Variants in PCDHA2 observed in about 807,000 individuals in gnomAD.
PCDHA2 encodes the protein protocadherin alpha-2.
A neutral mutation model predicts 66.0 loss-of-function variants in PCDHA2; 58 were observed. The observed-to-expected ratio is 0.88, with a 90% CI of 0.71 to 1.09. The LOEUF is 1.09. PCDHA2 is among the 50% of genes least tolerant of loss of function. The pLI is 0.00. For missense variants in PCDHA2, 1,267 were observed against 1,242.3 expected, an observed-to-expected ratio of 1.02 and a Z score of -0.30; for synonymous variants, 634 against 554.0, an observed-to-expected ratio of 1.14 and a Z score of -2.03.
At chr5:140,829,696 G>A (rs2150172625) in intron 1 of PCDHA2, 2 of 1,613,274 alleles carry the variant, frequency 1.2e-6, no homozygotes, top group Non-Finnish European at 1.7e-6. Context: ...AGTTTCAGGT[G>A]AGCGCGCGCG....
intron 1 of PCDHA2, chr5:140,859,996 T>A (rs181986889): frequency 4.7e-4 from 71 of 152,116 alleles, no homozygotes; most frequent in Non-Finnish European, 8.7e-4. Context: ...TCTCCATCAA[T>A]ACTAACTTAA....
intron 1 of PCDHA2, chr5:140,966,548 A>G (rs2096020413): frequency 2.1e-6 from 1 of 465,426 alleles, no homozygotes; most frequent in Admixed American, 4.3e-5. Flanking sequence ...CTCGGAGGCG[A>G]GCGGAGGAGC....
chr5:140,993,996 G>T (rs1163632974), intron 3 of PCDHA2, among the ~76,000 whole-genome samples: 1 of 152,148 alleles, frequency 6.6e-6, no homozygotes, highest in Non-Finnish European at 1.5e-5. Flanking sequence ...CTTAGGTCAG[G>T]CCAGGCTCTG....
rs1581182642 is a variant in PCDHA2 at position 140,849,406 on chromosome 5, T to A, written c.2388+52054T>A. ...GACCCCTTAAGTGGGGCAATCACAG[T>A]GATAGGACATATGGATTTTGAAGAA... On this transcript the variant is annotated intron_variant, in intron 1 of 3. Transcript: ENST00000526136. 1.3e-5 allele frequency: 20 copies of A among 1,558,610 alleles called. 3 individuals carry two copies. The highest frequency in any genetic ancestry group is 7.2e-5 in the African/African-American group (5 of 69,302).
intron 1 of PCDHA2, chr5:140,802,551 G>C: frequency 6.2e-7 from 1 of 1,614,220 alleles, no homozygotes; most frequent in South Asian, 1.1e-5. Context: ...GAACGACAAT[G>C]CGCCGGCATT....
At chr5:140,856,940 A>G (rs2044280502) in intron 1 of PCDHA2, 1 of 1,593,596 alleles carries the variant, frequency 6.3e-7, no homozygotes, top group African/African-American at 1.3e-5. Context: ...AAACGAAAGG[A>G]CGGGAGAAAT....
intron 1 of PCDHA2, among the ~76,000 whole-genome samples, chr5:140,910,102 A>G (rs1206018595): frequency 2.6e-5 from 4 of 152,184 alleles, no homozygotes; most frequent in African/African-American, 9.7e-5. Context: ...CCTCCCCTTC[A>G]TTTAAGGGAT....
intron 3 of PCDHA2, among the ~76,000 whole-genome samples, chr5:140,990,735 C>T (rs1554251705): frequency 6.6e-6 from 1 of 152,112 alleles, no homozygotes; most frequent in African/African-American, 2.4e-5. Flanking sequence ...ATATCAACAG[C>T]CCTAGGGTGG....
intron 1 of PCDHA2, among the ~76,000 whole-genome samples, chr5:140,918,552 A>G (rs1554198667): frequency 6.6e-6 from 1 of 152,206 alleles, no homozygotes; most frequent in Admixed American, 6.5e-5. Context: ...TGTGCAATTG[A>G]GAAGAATGTA....
At chr5:140,851,197 G>A (rs1581255686) in intron 1 of PCDHA2, 1 of 1,202,520 alleles carries the variant, frequency 8.3e-7, no homozygotes. Flanking sequence ...TTAGTTGTTA[G>A]TCATTCATTA....
At chr5:140,985,783 A>G (rs1587112463) in intron 3 of PCDHA2, among the ~76,000 whole-genome samples, 1 of 125,324 alleles carries the variant, frequency 8.0e-6, no homozygotes, top group Non-Finnish European at 1.6e-5. Context: ...TCTGTCGCCC[A>G]GGCTGGAGTG....
chr5:140,861,332 G>A (rs2046864240), intron 1 of PCDHA2: 1 of 247,774 alleles, frequency 4.0e-6, no homozygotes, highest in African/African-American at 2.3e-5. Context: ...CACCATCCTG[G>A]AAGAGGCCAA....
chr5:140,878,033 A>G, intron 1 of PCDHA2: 2 of 574,166 alleles, frequency 3.5e-6, no homozygotes, highest in Non-Finnish European at 5.4e-6. Context: ...TGTAGGTACA[A>G]TGGAGGCCAT....
intron 1 of PCDHA2, chr5:140,824,068 A>C (rs781864798): frequency 1.2e-6 from 2 of 1,614,142 alleles, no homozygotes. Flanking sequence ...AGCTCCACCC[A>C]AAACAGACCT....
chr5:140,802,261 TA>T (rs1762876616), intron 1 of PCDHA2: 4 of 1,614,264 alleles, frequency 2.5e-6, no homozygotes, highest in Non-Finnish European at 3.4e-6. Context: ...ATTCAATCAC[TA>T]TCTTTACCTG....
intron 1 of PCDHA2, among the ~76,000 whole-genome samples, chr5:140,952,338 CA>C (rs55931446): frequency 8.7e-4 from 117 of 135,030 alleles, no homozygotes; most frequent in South Asian, 1.2e-3. Flanking sequence ...AACTCCATCT[CA>C]AAAAAAAAAA....
At chr5:140,911,866 T>A (rs139180139) in intron 1 of PCDHA2, among the ~76,000 whole-genome samples, 31 of 152,320 alleles carry the variant, frequency 2.0e-4, no homozygotes, top group Non-Finnish European at 4.3e-4. Context: ...TCTGTTCTTC[T>A]GGAACCACTC....
At position 140,797,358 on chromosome 5, in the gene PCDHA2, TC is replaced by T; in HGVS notation, c.2388+7del. 2 of 1,611,108 alleles carry T rather than the reference TC, an allele frequency of 1.2e-6. No homozygotes were observed. The highest frequency in any genetic ancestry group is 1.1e-5 in the South Asian group (1 of 90,532). On this transcript the variant is annotated splice_region_variant and intron_variant, in intron 1 of 3. Coordinates refer to ENST00000526136, the MANE Select transcript of PCDHA2 (RefSeq NM_018905.3). ...AATCAGAATACGTAGGAAAGGTGAG[TC>T]TTTTACTTTTTCTTGCCAATTCTAA...
intron 1 of PCDHA2, among the ~76,000 whole-genome samples, chr5:140,846,239 T>TATACA (rs1419115940): frequency 1.3e-5 from 2 of 149,652 alleles, no homozygotes; most frequent in Admixed American, 6.7e-5. Context: ...TAAAAAGAAG[T>TATACA]ATACAATAAT....
Sources: gnomAD v4.1 joint callset for allele counts (sites outside exome capture counted in the v4.1 genomes callset) on GRCh38, gnomAD v4.1.1 for gene constraint, MANE v1.5 for transcripts, NCBI Gene and HGNC (gene_info 2026-07-23, HGNC 2026-07-21) for gene names.